The following FLT4 variants were observed in gnomAD, a reference collection of about 807,000 sequenced individuals.
The protein encoded by FLT4 is vascular endothelial growth factor receptor 3.
Under a neutral mutation model 163.2 loss-of-function variants are expected in FLT4, and 30 were observed. That is an observed-to-expected ratio of 0.18 (90% CI 0.14 to 0.25). The LOEUF is 0.25. FLT4 is among the 10% of genes least tolerant of loss of function. The pLI, the probability that FLT4 is intolerant of heterozygous loss-of-function variation, is 1.00. For missense variants in FLT4, 1,510 were observed against 1,863.8 expected (o/e 0.81, Z 3.50); for synonymous variants, 884 against 789.5 (o/e 1.12, Z -2.01).
chr5:180,629,417 C>A lies in FLT4; in HGVS notation c.827G>T (p.Gly276Val), dbSNP rs1164739687. ...GGAGCGTCGCTCGGGCACCCACTTA[C>A]CCCGCTCTGCCTGCCCGCACCCAGG... ...WDYPGKQAERGKWVPERRSQQ... is the reference protein window; with the variant it reads ...WDYPGKQAERVKWVPERRSQQ... Residue 276 changes from glycine to valine, a missense_variant, in exon 7 of 30, where the codon GGT becomes GTT. Coordinates refer to ENST00000261937, the MANE Select transcript of FLT4 (RefSeq NM_182925.5). The A allele has an allele frequency of 6.2e-7, 1 of 1,611,054 alleles. No individual in the cohort carries two copies. Among genetic ancestry groups the A allele is most frequent in the Admixed American group, 1.7e-5 (1 of 60,024 alleles).
intron 1 of FLT4, among the ~76,000 whole-genome samples, chr5:180,644,011 G>C (rs1765335102): frequency 6.6e-6 from 1 of 152,126 alleles, no homozygotes; most frequent in African/African-American, 2.4e-5. Flanking sequence ...TAGTAGAGAT[G>C]GGGTTTCACC....
rs1311486339 is a variant in FLT4, at chr5:180,621,554, G to A, written c.2008C>T (p.Leu670=). 6 of 1,612,066 alleles carry A rather than the reference G, an allele frequency of 3.7e-6. No individual in the cohort carries two copies. The highest frequency in any genetic ancestry group is 1.7e-4 in the Middle Eastern group (1 of 6,054). The change falls in exon 13 of 30, where the codon CTG becomes TTG. Residue 670 remains leucine (L), a synonymous_variant. Coordinates refer to ENST00000261937, the MANE Select transcript of FLT4 (RefSeq NM_182925.5). ...SHDKHCHKKY[L]SVQALEAPRL... ...CGGCCAGCCTCACCCTGCACCGACAGGTACTTCTTGTGGCAGTGCTTGTCA... is the reference window on the plus strand; with the variant it reads ...CGGCCAGCCTCACCCTGCACCGACAAGTACTTCTTGTGGCAGTGCTTGTCA...
intron 29 of FLT4, among the ~76,000 whole-genome samples, chr5:180,605,427 GT>G (rs1434533800): frequency 6.6e-6 from 1 of 152,070 alleles, no homozygotes; most frequent in Non-Finnish European, 1.5e-5. Context: ...CATTTTGCTC[GT>G]TTTCCTGTTT....
chr5:180,627,076 G>C (rs1434198381), intron 8 of FLT4, among the ~76,000 whole-genome samples: 1 of 152,150 alleles, frequency 6.6e-6, no homozygotes, highest in Non-Finnish European at 1.5e-5. Flanking sequence ...TGAGGAAGCA[G>C]ATGCCTCAGC....
rs2127814997 is a variant in FLT4, at chr5:180,621,171, A to C, written c.2102T>G (p.Val701Gly). The C allele has an allele frequency of 6.2e-7, 1 of 1,612,820 alleles. No homozygotes were observed. The highest frequency in any genetic ancestry group is 8.5e-7 in the Non-Finnish European group (1 of 1,179,984). The change falls in exon 14 of 30, where the codon GTG becomes GGG. Residue 701 changes from valine (V) to glycine (G), a missense_variant. Physicochemically the swap from Val to Gly is moderately radical, Grantham distance 109 (BLOSUM62 -3). Around this residue, in one of 5 missense-constraint regions of FLT4, gnomAD observed 878 missense variants for 1,016.7 expected, o/e 0.86. Transcript: ENST00000261937. ...VSDSLEMQCL[V>G]AGAHAPSIVW... Reference sequence around the variant, plus strand: ...GATGCTGGGCGCGTGCGCTCCGGCCACCAAGCACTGCATCTCCAGCGAGTC... The same window carrying C: ...GATGCTGGGCGCGTGCGCTCCGGCCCCCAAGCACTGCATCTCCAGCGAGTC...
rs56112665 is a variant in FLT4 at position 180,618,424 on chromosome 5, G to A, written c.3001+346C>T. ...GCTCCTCAGCCTCTGGGACACCCAC[G>A]TCCTACTCCAGAGGACCCTCTCCTG... is the stretch of plus-strand genomic sequence containing the variant. On this transcript the variant is annotated intron_variant, in intron 21 of 29. Coordinates refer to ENST00000261937, the MANE Select transcript of FLT4 (RefSeq NM_182925.5). Among the ~76,000 whole-genome samples, 54 of 61,628 alleles carry A rather than the reference G, an allele frequency of 8.8e-4. 8 individuals are homozygous for A. Among genetic ancestry groups the A allele is most frequent in the South Asian group, 5.4e-3 (7 of 1,288 alleles). 40.4% of individuals were successfully genotyped at this position (61,628 alleles called of 152,430 possible). A position where few individuals can be genotyped will look rare whatever the true frequency, so the allele number is the denominator to read the frequency against.
At chr5:180,631,342 G>A (rs529015684) in intron 2 of FLT4, among the ~76,000 whole-genome samples, 309 of 152,122 alleles carry the variant, frequency 2.0e-3, no homozygotes, top group African/African-American at 6.9e-3. Context: ...GCGTGGTGGC[G>A]GGCACCTGTA....
Position 180,620,348 on chromosome 5 carries a change from A to G in FLT4, c.2407-40T>C. On this transcript the variant is annotated intron_variant, in intron 16 of 29. Transcript: ENST00000261937. This position sits in a 1 kb window ranked among gnomAD's most constrained non-coding sequence, Gnocchi z 4.4. ...CAGGGAGGAGTGGGGCAGCTCACTG[A>G]TTTGGCCATACCACTGTGGCTTGGG... is the stretch of plus-strand genomic sequence containing the variant. 2 of 1,606,844 alleles carry G rather than the reference A, an allele frequency of 1.2e-6. No individual in the cohort carries two copies. Among genetic ancestry groups the G allele is most frequent in the Middle Eastern group, 3.3e-4 (2 of 6,058 alleles).
intron 1 of FLT4, among the ~76,000 whole-genome samples, chr5:180,639,650 A>T (rs1764953332): frequency 6.6e-6 from 1 of 152,120 alleles, no homozygotes; most frequent in African/African-American, 2.4e-5. Context: ...CTCTTGTCAG[A>T]CCCTGTTGTT....
intron 19 of FLT4, 61 bp downstream of exon 19, chr5:180,619,192 T>C: frequency 7.5e-7 from 1 of 1,326,526 alleles, no homozygotes. Context: ...CCGCGCCCCC[T>C]CCCGCCCGCG....
chr5:180,632,890 G>A lies in FLT4; in HGVS notation c.59-1112C>T, dbSNP rs941059089. ...ATGCATCCTGCCGGGGCCATCCTGA[G>A]ACAACAGGAAGGGAGGGCTGCATGG... On this transcript the variant is annotated intron_variant, in intron 1 of 29. Coordinates refer to ENST00000261937, the MANE Select transcript of FLT4 (RefSeq NM_182925.5). 3.9e-5 allele frequency among the ~76,000 whole-genome samples: 6 copies of A among 152,104 alleles called. No individual in the cohort carries two copies. The East Asian group carries it at 7.7e-4, about 20-fold the overall frequency.
chr5:180,637,384 C>T (rs1048298207), intron 1 of FLT4, among the ~76,000 whole-genome samples: 7 of 152,036 alleles, frequency 4.6e-5, no homozygotes, highest in African/African-American at 1.7e-4. Context: ...TTCCTACATC[C>T]CAAAACCCAC....
At chr5:180,606,893 TA>T (rs746617863) in intron 29 of FLT4, among the ~76,000 whole-genome samples, 12 of 15,580 alleles carry the variant, frequency 7.7e-4, no homozygotes, top group South Asian at 6.6e-3. Context: ...CCGTCTCTAC[TA>T]AAAAAAAAAA....
chr5:180,609,152 G>C (rs983057704), intron 28 of FLT4, 99 bp from the exon 29 acceptor site: 3 of 962,688 alleles, frequency 3.1e-6, no homozygotes, highest in Admixed American at 3.5e-5. Flanking sequence ...CCTGCAGCGC[G>C]GCTGACCTAA....
chr5:180,627,007 G>A (rs1299632572), intron 8 of FLT4, among the ~76,000 whole-genome samples: 1 of 152,210 alleles, frequency 6.6e-6, no homozygotes, highest in African/African-American at 2.4e-5. Context: ...GGAGCCCCAC[G>A]AGGGCAGTGC....
At chr5:180,619,623 C>T (rs1762968454) in intron 18 of FLT4, 42 bp downstream of exon 18, 2 of 1,485,040 alleles carry the variant, frequency 1.3e-6, no homozygotes, top group Non-Finnish European at 1.9e-6. Flanking sequence ...AGCTGCTGCT[C>T]CTCACCAGCT....
chr5:180,646,650 G>A (rs975851124), intron 1 of FLT4, among the ~76,000 whole-genome samples: 1 of 152,170 alleles, frequency 6.6e-6, no homozygotes, highest in Non-Finnish European at 1.5e-5. Context: ...CACGTCTGAT[G>A]GCATGTCTGT....
rs1437108067 is a variant in FLT4, at chr5:180,629,325, A to C, written c.919T>G (p.Ser307Ala). 1.9e-6 allele frequency: 3 copies of C among 1,613,144 alleles called. No individual in the cohort carries two copies. In the African/African-American group the frequency reaches 4.0e-5, roughly 22 times the overall value. ...CCGTTGTTGGCCTTGCACACATACG[A>C]GCCCAGGTCGTGCTGGCTGACGTTG... ...IHNVSQHDLG[S>A]YVCKANNGIQ... The change falls in exon 7 of 30, where the codon TCG becomes GCG. Residue 307 changes from serine to alanine, a missense_variant. Coordinates refer to ENST00000261937, the MANE Select transcript of FLT4 (RefSeq NM_182925.5).
intron 27 of FLT4, 47 bp from the exon 28 acceptor site, chr5:180,610,072 C>A: frequency 2.5e-6 from 4 of 1,612,590 alleles, no homozygotes; most frequent in Non-Finnish European, 3.4e-6. Context: ...TGCAGCAACC[C>A]TCCTCGAACT....
Sources: allele counts gnomAD v4.1 joint callset (sites outside exome capture counted in the v4.1 genomes callset), GRCh38; gene constraint gnomAD v4.1.1; regional missense constraint gnomAD v4.1.1; non-coding constraint Gnocchi (gnomAD v3.1); transcripts MANE v1.5; gene names NCBI Gene and HGNC (gene_info 2026-07-23, HGNC 2026-07-21).